DPP10: variants seen among roughly 807,000 people sequenced by gnomAD.
The protein encoded by DPP10 is dipeptidyl peptidase like 10, also known as inactive dipeptidyl peptidase 10.
In DPP10, 33 loss-of-function variants were observed where a neutral mutation model predicts 120.9. That is an observed-to-expected ratio of 0.27 (90% CI 0.21 to 0.37). The LOEUF (loss-of-function observed/expected upper bound fraction) is 0.37. Among genes scored for constraint, DPP10 ranks in the 10% least tolerant of loss-of-function variants. DPP10 has a pLI of 1.00. For synonymous variants in DPP10, 337 were observed against 326.1 expected, an observed-to-expected ratio of 1.03 and a Z score of -0.36; for missense variants, 816 against 942.8, an observed-to-expected ratio of 0.87 and a Z score of 1.76.
intron 1 of DPP10, among the ~76,000 whole-genome samples, chr2:114,512,466 G>C (rs1284521605): frequency 6.6e-6 from 1 of 152,170 alleles, no homozygotes; most frequent in Admixed American, 6.5e-5. Flanking sequence ...AGAGAGCCTA[G>C]TGTGGTTCAG....
At chr2:114,906,727 A>G (rs1027627647) in intron 1 of DPP10, among the ~76,000 whole-genome samples, 4 of 152,136 alleles carry the variant, frequency 2.6e-5, no homozygotes, top group Admixed American at 6.6e-5. Context: ...ATATTATATA[A>G]TCCTATTTAT....
intron 1 of DPP10, among the ~76,000 whole-genome samples, chr2:114,769,019 C>T (rs898076944): frequency 6.6e-6 from 1 of 152,026 alleles, no homozygotes; most frequent in African/African-American, 2.4e-5. Flanking sequence ...TTTTATGTAT[C>T]AAGAGGAAGA....
At chr2:115,150,626 A>C (rs1209416020) in intron 1 of DPP10, among the ~76,000 whole-genome samples, 1 of 152,236 alleles carries the variant, frequency 6.6e-6, no homozygotes, top group Non-Finnish European at 1.5e-5. Flanking sequence ...TTAACACTCA[A>C]TTTGTCTTAT....
intron 1 of DPP10, among the ~76,000 whole-genome samples, chr2:114,818,946 A>T (rs1290065234): frequency 1.3e-5 from 2 of 152,156 alleles, no homozygotes; most frequent in African/African-American, 4.8e-5. Context: ...CTTATTATCA[A>T]ATGATGAGTT....
chr2:114,645,122 C>A (rs982464200), intron 1 of DPP10, among the ~76,000 whole-genome samples: 1 of 152,132 alleles, frequency 6.6e-6, no homozygotes, highest in African/African-American at 2.4e-5. Flanking sequence ...GACACACTTG[C>A]TTTGTCTGAC....
intron 1 of DPP10, among the ~76,000 whole-genome samples, chr2:114,515,833 A>G (rs1337454896): frequency 2.0e-5 from 3 of 149,288 alleles, no homozygotes; most frequent in South Asian, 2.1e-4. Flanking sequence ...GAATTATTCT[A>G]CTCCCTGGGT....
chr2:114,985,344 G>T (rs892599940), intron 1 of DPP10, among the ~76,000 whole-genome samples: 1 of 152,036 alleles, frequency 6.6e-6, no homozygotes, highest in Admixed American at 6.6e-5. Context: ...TTAAAACAGG[G>T]CTCCTTATTT....
At chr2:115,154,744 GCACA>G (rs923488825) in intron 1 of DPP10, among the ~76,000 whole-genome samples, 1 of 151,600 alleles carries the variant, frequency 6.6e-6, no homozygotes, top group Admixed American at 6.6e-5. Flanking sequence ...CACCCCCTGA[GCACA>G]CACACACAGT....
intron 5 of DPP10, among the ~76,000 whole-genome samples, chr2:115,530,679 CAA>C (rs70941069): frequency 2.7e-5 from 4 of 147,688 alleles, no homozygotes; most frequent in Admixed American, 6.8e-5. Context: ...GACTCTGTCT[CAA>C]AAAAAAAAAT....
intron 1 of DPP10, among the ~76,000 whole-genome samples, chr2:114,877,125 C>T (rs1253138415): frequency 1.3e-5 from 2 of 152,000 alleles, no homozygotes; most frequent in Non-Finnish European, 2.9e-5. Context: ...TATTTCATAG[C>T]TTGTGTATGT....
chr2:115,244,320 T>C (rs962067305), intron 1 of DPP10, among the ~76,000 whole-genome samples: 56 of 150,052 alleles, frequency 3.7e-4, no homozygotes, highest in African/African-American at 1.3e-3. Context: ...CTATGATACA[T>C]TGGCCTTTTT....
chr2:115,366,145 T>G (rs2065063607), intron 3 of DPP10, among the ~76,000 whole-genome samples: 1 of 148,898 alleles, frequency 6.7e-6, no homozygotes, highest in Non-Finnish European at 1.5e-5. Flanking sequence ...TGAAATAATA[T>G]TTTTTTTCCA....
At chr2:115,334,445 C>T (rs1252690874) in intron 2 of DPP10, among the ~76,000 whole-genome samples, 1 of 151,300 alleles carries the variant, frequency 6.6e-6, no homozygotes, top group African/African-American at 2.4e-5. Context: ...TACTAAGTGA[C>T]AAGCTATTAG....
At chr2:115,257,383 A>C (rs1260593064) in intron 1 of DPP10, among the ~76,000 whole-genome samples, 1 of 152,194 alleles carries the variant, frequency 6.6e-6, no homozygotes, top group African/African-American at 2.4e-5. Context: ...TATAGGAGGC[A>C]TGGTGCTGGT....
At chr2:114,457,429 G>T (rs2104555587) in intron 1 of DPP10, among the ~76,000 whole-genome samples, 1 of 152,304 alleles carries the variant, frequency 6.6e-6, no homozygotes, top group Middle Eastern at 3.4e-3. Context: ...TTACATGGTA[G>T]CTGTTGTTGC....
chr2:114,574,304 T>C (rs1055420108), intron 1 of DPP10, among the ~76,000 whole-genome samples: 12 of 151,920 alleles, frequency 7.9e-5, no homozygotes, highest in Non-Finnish European at 1.5e-4. Context: ...TGGAAAGAAA[T>C]AGGAAGAGGA....
intron 1 of DPP10, among the ~76,000 whole-genome samples, chr2:115,114,288 T>G: frequency 1.3e-5 from 2 of 152,296 alleles, no homozygotes; most frequent in Middle Eastern, 6.8e-3. Context: ...AAACAAAACA[T>G]TAAATTTGGA....
chr2:115,725,089 A>G (rs1283411527), intron 7 of DPP10, among the ~76,000 whole-genome samples: 2 of 152,210 alleles, frequency 1.3e-5, no homozygotes, highest in East Asian at 3.8e-4. Context: ...CAGGCGACTC[A>G]CTGAAGAAAA....
intron 12 of DPP10, among the ~76,000 whole-genome samples, chr2:115,767,578 G>T (rs1415822411): frequency 6.6e-6 from 1 of 151,328 alleles, no homozygotes; most frequent in Non-Finnish European, 1.5e-5. Context: ...TATATAGTGT[G>T]TGTGTGTATA....
Sources: allele counts gnomAD v4.1 joint callset (sites outside exome capture counted in the v4.1 genomes callset), GRCh38; gene constraint gnomAD v4.1.1; transcripts MANE v1.5; gene names NCBI Gene and HGNC (gene_info 2026-07-23, HGNC 2026-07-21).